DYRK1B: variants seen among roughly 807,000 people sequenced by gnomAD.
DYRK1B encodes the protein dual specificity tyrosine-phosphorylation-regulated kinase 1B.
Under a neutral mutation model 57.1 loss-of-function variants are expected in DYRK1B, and 20 were observed. That is an observed-to-expected ratio of 0.35 (90% CI 0.25 to 0.51). The LOEUF (loss-of-function observed/expected upper bound fraction) is 0.51. Ranked by LOEUF, DYRK1B falls within the 20% of genes least tolerant of loss-of-function variation. The pLI is 0.96. For missense variants in DYRK1B, 732 were observed against 886.3 expected, an observed-to-expected ratio of 0.83 and a Z score of 2.21; for synonymous variants, 409 against 384.7, an observed-to-expected ratio of 1.06 and a Z score of -0.74.
chr19:39,825,429 G>T lies in DYRK1B; in HGVS notation c.*286C>A. 2.2e-6 allele frequency: 1 copy of T among 454,122 alleles called. No homozygotes were observed. Among genetic ancestry groups the T allele is most frequent in the Non-Finnish European group, 4.0e-6 (1 of 252,720 alleles). The allele number at this position is 454,122 out of a possible 1,614,324, so 28.1% of individuals were successfully genotyped here. A position where few individuals can be genotyped will look rare whatever the true frequency, so the allele number is the denominator to read the frequency against. ...CTACCTGCCCCCACCCCCTCCTAGG[G>T]TCCTGGGGTGAGGGGGGGTCTTCCC... On this transcript the variant is annotated 3_prime_UTR_variant, in exon 11 of 11. Coordinates refer to ENST00000323039, the MANE Select transcript of DYRK1B (RefSeq NM_004714.3).
chr19:39,826,397 A>G lies in DYRK1B; in HGVS notation c.1412-111T>C, dbSNP rs1387011421. On this transcript the variant is annotated intron_variant, in intron 9 of 10. Transcript: ENST00000323039. The surrounding 1 kb of genome is among the most constrained non-coding windows in gnomAD (Gnocchi z 6.3). Reference sequence around the variant, plus strand: ...GGCCCAGGCTCAGGTTCAGGCTTCAAGAGCAGAGCCCATCTGAAGCACCGG... The same window carrying G: ...GGCCCAGGCTCAGGTTCAGGCTTCAGGAGCAGAGCCCATCTGAAGCACCGG... 22 of 952,870 alleles carry G rather than the reference A, an allele frequency of 2.3e-5. No individual in the cohort carries two copies. The highest frequency in any genetic ancestry group is 3.1e-5 in the Admixed American group (1 of 32,392). 59.0% of individuals were successfully genotyped at this position (952,870 alleles called of 1,614,324 possible).
At chr19:39,830,616 AG>A (rs1457539124) in intron 3 of DYRK1B, 47 bp downstream of exon 3, 2 of 1,613,172 alleles carry the variant, frequency 1.2e-6, no homozygotes, top group Non-Finnish European at 1.7e-6. Context: ...TCATGCCAGC[AG>A]ACAAGACCCT....
intron 5 of DYRK1B, among the ~76,000 whole-genome samples, chr19:39,829,345 G>A (rs1968697647): frequency 2.0e-5 from 3 of 151,788 alleles, no homozygotes; most frequent in Non-Finnish European, 2.9e-5. Context: ...TCCTGCCTCA[G>A]CCTCCTGAGT....
rs1599637592 is a variant in DYRK1B at position 39,826,499 on chromosome 19, A to G, written c.1411+173T>C. ...AACCAGTTTCAGGGCTCTGAGCCCA[A>G]TTTCAGTGATTGTGTCAGGGCCAGT... On this transcript the variant is annotated intron_variant, in intron 9 of 10. Transcript: ENST00000323039. The surrounding 1 kb of genome is among the most constrained non-coding windows in gnomAD (Gnocchi z 6.3). 6.6e-6 allele frequency among the ~76,000 whole-genome samples: 1 copy of G among 152,174 alleles called. No individual in the cohort carries two copies. Among genetic ancestry groups the G allele is most frequent in the Admixed American group, 6.5e-5 (1 of 15,284 alleles).
intron 5 of DYRK1B, 149 bp downstream of exon 5, chr19:39,829,731 G>C: frequency 1.2e-6 from 1 of 843,820 alleles, no homozygotes; most frequent in Non-Finnish European, 1.8e-6. Context: ...AGCAGCAGGA[G>C]AATCACTGAT....
Position 39,826,976 on chromosome 19 carries a change from G to T in DYRK1B, c.1107C>A (p.Gly369=). Residue 369 remains glycine, a synonymous_variant, in exon 9 of 11, where the codon GGC becomes GGA. Coordinates refer to ENST00000323039, the MANE Select transcript of DYRK1B (RefSeq NM_004714.3). The surrounding 1 kb of genome is among the most constrained non-coding windows in gnomAD (Gnocchi z 6.3). ...CCTCCTGCAGCCGCCGTGTCCCGGG[G>T]CCCTGGTAATCCTGGCAGGGAGGGG... The part of the protein sequence containing the change: ...RTKELRKDYQ[G]PGTRRLQEVL... The T allele has an allele frequency of 9.9e-7, 1 of 1,011,924 alleles. No individual in the cohort carries two copies. 62.7% of individuals were successfully genotyped at this position (1,011,924 alleles called of 1,614,324 possible).
In DYRK1B at chr19:39,825,500, G is replaced by A; in HGVS notation, c.*215C>T. ...TTTGGTACAATAAATAGAAAAAAAGGGGGAGAGGGGCCCAAGGGTCCAGTC... is the reference window on the plus strand; with the variant it reads ...TTTGGTACAATAAATAGAAAAAAAGAGGGAGAGGGGCCCAAGGGTCCAGTC... On this transcript the variant is annotated 3_prime_UTR_variant, in exon 11 of 11. Transcript: ENST00000323039. 8.6e-6 allele frequency: 5 copies of A among 578,164 alleles called. No individual in the cohort carries two copies. Among genetic ancestry groups the A allele is most frequent in the Non-Finnish European group, 1.5e-5 (5 of 327,474 alleles). 35.8% of individuals were successfully genotyped at this position (578,164 alleles called of 1,614,324 possible).
In DYRK1B at chr19:39,826,700, G is replaced by T; in HGVS notation, c.1383C>A (p.Ser461=). The change falls in exon 9 of 11, where the codon TCC becomes TCA. Residue 461 remains serine (S), a synonymous_variant. Transcript: ENST00000323039. This position sits in a 1 kb window ranked among gnomAD's most constrained non-coding sequence, Gnocchi z 6.3. Reference sequence around the variant, plus strand: ...AACTGGAGATGGAGCTGGCGGTGCTGGAAGAGGGGCAGGTGTCGAGGGGCG... The same window carrying T: ...AACTGGAGATGGAGCTGGCGGTGCTTGAAGAGGGGCAGGTGTCGAGGGGCG... ...SPAPLDTCPS[S]STASSISSSG... The T allele has an allele frequency of 6.2e-7, 1 of 1,605,666 alleles. No individual in the cohort carries two copies. Among genetic ancestry groups the T allele is most frequent in the East Asian group, 2.3e-5 (1 of 44,356 alleles).
rs1006443610 is a variant in DYRK1B, at chr19:39,833,411, G to A, written c.-102+612C>T. 7.3e-6 allele frequency: 7 copies of A among 958,708 alleles called. No homozygotes were observed. The South Asian group carries it at 1.9e-4, about 26-fold the overall frequency. The allele number at this position is 958,708 out of a possible 1,614,324, so 59.4% of individuals were successfully genotyped here. A position where few individuals can be genotyped will look rare whatever the true frequency, so the allele number is the denominator to read the frequency against. ...GGCCCGGCCGGCCCCGCGGCGGGGA[G>A]GGCAAGCGGGACAGGAGGCCCGGTG... is the stretch of plus-strand genomic sequence containing the variant. On this transcript the variant is annotated intron_variant, in intron 1 of 10. Transcript: ENST00000323039.
At chr19:39,833,022 A>ATC (rs1343009656) in intron 1 of DYRK1B, 1 of 984,444 alleles carries the variant, frequency 1.0e-6, no homozygotes. Flanking sequence ...AACTGTGTCC[A>ATC]CTCCTAGAGG....
At chr19:39,832,858 G>A (rs1243943329) in intron 1 of DYRK1B, 20 of 938,098 alleles carry the variant, frequency 2.1e-5, no homozygotes, top group Non-Finnish European at 2.5e-5. Flanking sequence ...CCTCCTGATG[G>A]GAGAAGGAGG....
At position 39,827,313 on chromosome 19, in the gene DYRK1B, G is replaced by C; in HGVS notation, c.1067C>G (p.Thr356Ser). The C allele has an allele frequency of 6.2e-7, 1 of 1,613,480 alleles. No individual in the cohort carries two copies. Among genetic ancestry groups the C allele is most frequent in the Non-Finnish European group, 8.5e-7 (1 of 1,179,560 alleles). Reference protein sequence around the residue: ...YFERLPGGGWTLRRTKELRKD... With the variant: ...YFERLPGGGWSLRRTKELRKD... ...CCTGAGTTCTTTCGTCCTTCGTAGG[G>C]TCCAGCCACCCCCAGGCAGCCGTTC... The change falls in exon 8 of 11, where the codon ACC becomes AGC. Residue 356 changes from threonine (T) to serine (S), a missense_variant. By Grantham distance (58) the Thr-to-Ser change is moderately conservative (BLOSUM62 1). This residue lies in a region of DYRK1B where 510 missense variants were observed against 681.3 expected (regional missense o/e 0.75). Transcript: ENST00000323039.
rs1968522123 is a variant in DYRK1B, at chr19:39,826,109, G to A, written c.1519-23C>T. 1.3e-6 allele frequency: 2 copies of A among 1,543,598 alleles called. No individual in the cohort carries two copies. Among genetic ancestry groups the A allele is most frequent in the Non-Finnish European group, 8.7e-7 (1 of 1,151,440 alleles). The stretch of plus-strand genomic sequence containing the variant: ...GACCTAAAAAAGCAAAGGAGCCATG[G>A]GTGATGGAGACCCTGGTCTCTAAGC... On this transcript the variant is annotated intron_variant, in intron 10 of 10. Transcript: ENST00000323039. This position sits in a 1 kb window ranked among gnomAD's most constrained non-coding sequence, Gnocchi z 6.3.
At position 39,828,456 on chromosome 19, in the gene DYRK1B, C is replaced by T. The variant is rs1968641307; in HGVS notation, c.648G>A (p.Lys216=). ...FRGVSLNLTR[K]LAQQLCTALL... is the part of the protein sequence containing the mutation. ...GTGCCGTGCAGAGCTGCTGCGCCAG[C>T]TTCCGGGTCAGGTTCAGCGAGACGC... Residue 216 remains lysine (K), a synonymous_variant, in exon 6 of 11, where the codon AAG becomes AAA. Coordinates refer to ENST00000323039, the MANE Select transcript of DYRK1B (RefSeq NM_004714.3). This position sits in a 1 kb window ranked among gnomAD's most constrained non-coding sequence, Gnocchi z 4.3. 1 of 1,613,920 alleles carries T rather than the reference C, an allele frequency of 6.2e-7. No individual in the cohort carries two copies. Among genetic ancestry groups the T allele is most frequent in the Non-Finnish European group, 8.5e-7 (1 of 1,179,922 alleles).
Position 39,833,465 on chromosome 19 carries a change from G to A in DYRK1B, c.-102+558C>T, listed in dbSNP as rs978632616. ...GACAACAGCAGCCGCCACTGCCACCGGGGGCGGGGAGAGGAGGGGACAAGG... is the reference window on the plus strand; with the variant it reads ...GACAACAGCAGCCGCCACTGCCACCAGGGGCGGGGAGAGGAGGGGACAAGG... On this transcript the variant is annotated intron_variant, in intron 1 of 10. Coordinates refer to ENST00000323039, the MANE Select transcript of DYRK1B (RefSeq NM_004714.3). The A allele has an allele frequency of 2.3e-4, 117 of 498,144 alleles. No individual in the cohort carries two copies. The Middle Eastern group carries it at 3.2e-3, about 14-fold the overall frequency. The allele number at this position is 498,144 out of a possible 1,614,324, so 30.9% of individuals were successfully genotyped here. A position where few individuals can be genotyped will look rare whatever the true frequency, so the allele number is the denominator to read the frequency against.
Position 39,828,129 on chromosome 19 carries a change from C to G in DYRK1B, c.807+168G>C, listed in dbSNP as rs928672326. Among the ~76,000 whole-genome samples the G allele has an allele frequency of 6.6e-6, 1 of 152,144 alleles. No individual in the cohort carries two copies. Among genetic ancestry groups the G allele is most frequent in the African/African-American group, 2.4e-5 (1 of 41,426 alleles). On this transcript the variant is annotated intron_variant, in intron 6 of 10. Coordinates refer to ENST00000323039, the MANE Select transcript of DYRK1B (RefSeq NM_004714.3). This position sits in a 1 kb window ranked among gnomAD's most constrained non-coding sequence, Gnocchi z 4.3. The stretch of plus-strand genomic sequence containing the variant: ...TGGGCCCTGCCCCTCAGGCTTCACC[C>G]TTCCCATCCTAGTGGGCAGTATATT...
chr19:39,825,396 A>G lies in DYRK1B; in HGVS notation c.*319T>C. Reference sequence around the variant, plus strand: ...GGGTACAGCGAGGAGGAGCAAGGCCATCTCCCCCTACCTGCCCCCACCCCC... The same window carrying G: ...GGGTACAGCGAGGAGGAGCAAGGCCGTCTCCCCCTACCTGCCCCCACCCCC... On this transcript the variant is annotated 3_prime_UTR_variant, in exon 11 of 11. Coordinates refer to ENST00000323039, the MANE Select transcript of DYRK1B (RefSeq NM_004714.3). The G allele has an allele frequency of 3.1e-6, 1 of 326,912 alleles. No individual in the cohort carries two copies. Among genetic ancestry groups the G allele is most frequent in the Non-Finnish European group, 5.7e-6 (1 of 176,584 alleles). The allele number at this position is 326,912 out of a possible 1,614,324, so 20.3% of individuals were successfully genotyped here.
At position 39,825,924 on chromosome 19, in the gene DYRK1B, G is replaced by A. The variant is rs755110283; in HGVS notation, c.1681C>T (p.Pro561Ser). The A allele has an allele frequency of 1.9e-6, 3 of 1,550,338 alleles. No homozygotes were observed. The highest frequency in any genetic ancestry group is 1.7e-6 in the Non-Finnish European group (2 of 1,150,012). Residue 561 changes from proline (P) to serine (S), a missense_variant, in exon 11 of 11, where the codon CCG becomes TCG. This residue lies in a region of DYRK1B where 222 missense variants were observed against 205.0 expected (regional missense o/e 1.08). Coordinates refer to ENST00000323039, the MANE Select transcript of DYRK1B (RefSeq NM_004714.3). ...ACCAGGCTCACATCCATCAGCTCCG[G>A]GGGTGGTGGTGAGGTTGGTGATGGG... Reference protein sequence around the residue: ...RPPSPTSPPPPELMDVSLVGG... With the variant: ...RPPSPTSPPPSELMDVSLVGG...
Position 39,829,568 on chromosome 19 carries a change from C to G in DYRK1B, c.520+312G>C, listed in dbSNP as rs547539102. ...TTGAAGAAGAAACTAGGATGGAAGC[C>G]CAGGTTTCTTATCTTCAAGATGTTG... On this transcript the variant is annotated intron_variant, in intron 5 of 10. Coordinates refer to ENST00000323039, the MANE Select transcript of DYRK1B (RefSeq NM_004714.3). The G allele has an allele frequency of 3.7e-5, 9 of 240,518 alleles. No individual in the cohort carries two copies. In the South Asian group the frequency reaches 1.1e-3, roughly 28 times the overall value. The allele number at this position is 240,518 out of a possible 1,614,324, so 14.9% of individuals were successfully genotyped here.
Sources: allele counts gnomAD v4.1 joint callset (sites outside exome capture counted in the v4.1 genomes callset), GRCh38; gene constraint gnomAD v4.1.1; regional missense constraint gnomAD v4.1.1; non-coding constraint Gnocchi (gnomAD v3.1); transcripts MANE v1.5; gene names NCBI Gene and HGNC (gene_info 2026-07-23, HGNC 2026-07-21).